The following S1PR3 variants were observed in gnomAD, a reference collection of about 807,000 sequenced individuals.
S1PR3 encodes the protein sphingosine 1-phosphate receptor 3.
In S1PR3, 12 loss-of-function variants were observed where a neutral mutation model predicts 13.3. The observed-to-expected ratio is 0.90, with a 90% CI of 0.58 to 1.46. The LOEUF (loss-of-function observed/expected upper bound fraction) is 1.46. Ranked by LOEUF, S1PR3 falls within the 40% of genes most tolerant of loss-of-function variation. The pLI is 0.00. For missense variants in S1PR3, 450 were observed against 501.9 expected, an observed-to-expected ratio of 0.90 and a Z score of 0.99; for synonymous variants, 232 against 214.0, an observed-to-expected ratio of 1.08 and a Z score of -0.73.
At chr9:88,991,118 A>C (rs1213608875), upstream of S1PR3, 1 of 1,612,820 alleles carries the variant, frequency 6.2e-7, no homozygotes, top group Admixed American at 1.7e-5. This position sits in a 1 kb window ranked among gnomAD's most constrained non-coding sequence, Gnocchi z 4.0. Flanking sequence ...ACCTGGTTCC[A>C]AGCCTGTTCC....
rs1352313221 is a variant in S1PR3, at chr9:88,991,817, G to C, written c.-148+122G>C. On this transcript the variant is annotated intron_variant, in intron 1 of 1. Transcript: ENST00000358157. The surrounding 1 kb of genome is among the most constrained non-coding windows in gnomAD (Gnocchi z 4.0). ...GACGGGGACTTGGGCGCGCCACGGCGGCCGGAGCGCTCCACATCAGCACCC... is the reference window on the plus strand; with the variant it reads ...GACGGGGACTTGGGCGCGCCACGGCCGCCGGAGCGCTCCACATCAGCACCC... The C allele has an allele frequency of 6.2e-7, 1 of 1,609,540 alleles. No individual in the cohort carries two copies. Among genetic ancestry groups the C allele is most frequent in the Non-Finnish European group, 8.5e-7 (1 of 1,177,802 alleles).
In S1PR3 at chr9:89,002,350, G is replaced by A. The variant is rs768278566; in HGVS notation, c.*13G>A. On this transcript the variant is annotated 3_prime_UTR_variant, in exon 2 of 2. Coordinates refer to ENST00000358157, the MANE Select transcript of S1PR3 (RefSeq NM_005226.4). ...CTTCTGCAACTGATCGTCTCCATGC[G>A]CCCTGCTCTGCGGCTGTGTTCTTAT... 15 of 1,611,686 alleles carry A rather than the reference G, an allele frequency of 9.3e-6. No homozygotes were observed. The highest frequency in any genetic ancestry group is 3.3e-5 in the Admixed American group (2 of 59,872).
At position 89,001,094 on chromosome 9, in the gene S1PR3, G is replaced by A. The variant is rs1391722232; in HGVS notation, c.-107G>A. The A allele has an allele frequency of 6.9e-6, 9 of 1,307,108 alleles. No individual in the cohort carries two copies. Among genetic ancestry groups the A allele is most frequent in the Admixed American group, 2.0e-5 (1 of 49,520 alleles). The allele number at this position is 1,307,108 out of a possible 1,614,324, so 81.0% of individuals were successfully genotyped here. A position where few individuals can be genotyped will look rare whatever the true frequency, so the allele number is the denominator to read the frequency against. ...GCCCTCGCTGGAGTCTGGCCTGCAC[G>A]CCTTGCTGAATGAAGCCGGAACCTC... On this transcript the variant is annotated 5_prime_UTR_variant, in exon 2 of 2. Coordinates refer to ENST00000358157, the MANE Select transcript of S1PR3 (RefSeq NM_005226.4).
rs1205194938 is a variant in S1PR3 at position 89,001,593 on chromosome 9, C to T, written c.393C>T (p.Ala131=). The change falls in exon 2 of 2, where the codon GCC becomes GCT. Residue 131 remains alanine, a synonymous_variant. Transcript: ENST00000358157. ...GGGCGTCCACCTGCAGCTTACTGGC[C>T]ATCGCCATCGAGCGGCACTTGACAA... ...ALGASTCSLL[A]IAIERHLTMI... is the part of the protein sequence containing the mutation. 6.2e-7 allele frequency: 1 copy of T among 1,614,114 alleles called. No individual in the cohort carries two copies. The highest frequency in any genetic ancestry group is 8.5e-7 in the Non-Finnish European group (1 of 1,180,056).
intron 1 of S1PR3, chr9:88,998,667 C>G (rs989033650): frequency 2.0e-5 from 3 of 152,166 alleles, no homozygotes; most frequent in South Asian, 4.1e-4. Context: ...TTTAAAGAGA[C>G]AGTTTGCAGT....
chr9:88,999,770 G>A (rs1325634021), intron 1 of S1PR3: 1 of 152,192 alleles, frequency 6.6e-6, no homozygotes, highest in East Asian at 1.9e-4. Flanking sequence ...GGGAGGCTGA[G>A]GCAGGCTGAT....
In S1PR3 at chr9:89,002,700, A is replaced by G; in HGVS notation, c.*363A>G. 1 of 300,928 alleles carries G rather than the reference A, an allele frequency of 3.3e-6. No individual in the cohort carries two copies. The highest frequency in any genetic ancestry group is 7.2e-5 in the East Asian group (1 of 13,912). 18.6% of individuals were successfully genotyped at this position (300,928 alleles called of 1,614,324 possible). A position where few individuals can be genotyped will look rare whatever the true frequency, so the allele number is the denominator to read the frequency against. On this transcript the variant is annotated 3_prime_UTR_variant, in exon 2 of 2. Coordinates refer to ENST00000358157, the MANE Select transcript of S1PR3 (RefSeq NM_005226.4). ...CTGAATGGTGTTTTGATGATTTTAC[A>G]CTACATTTCCTGTGCGTAGAATGGA...
chr9:89,001,164 G>C lies in S1PR3; in HGVS notation c.-37G>C. 14 of 1,600,544 alleles carry C rather than the reference G, an allele frequency of 8.7e-6. No individual in the cohort carries two copies. Among genetic ancestry groups the C allele is most frequent in the Non-Finnish European group, 1.2e-5 (14 of 1,171,880 alleles). ...ATGAATGTTCCTGGGGCGCCCTCTCGTGGATTTTGGAGCTAATCGTCTGTG... is the reference window on the plus strand; with the variant it reads ...ATGAATGTTCCTGGGGCGCCCTCTCCTGGATTTTGGAGCTAATCGTCTGTG... On this transcript the variant is annotated 5_prime_UTR_variant, in exon 2 of 2. Coordinates refer to ENST00000358157, the MANE Select transcript of S1PR3 (RefSeq NM_005226.4).
At chr9:88,992,709 A>G (rs1825737847) in intron 1 of S1PR3, 1 of 152,380 alleles carries the variant, frequency 6.6e-6, no homozygotes, top group Admixed American at 6.5e-5. Flanking sequence ...CTGCAGATAC[A>G]TGACTAACAA....
rs1001638218 is a variant in S1PR3, at chr9:88,992,229, G to T, written c.-148+534G>T. ...CGTTGTGTTCGTAACTGAGATAACA[G>T]CTAGAGAAGGGGCTTTGGGCTTTTT... is the stretch of plus-strand genomic sequence containing the variant. On this transcript the variant is annotated intron_variant, in intron 1 of 1. Coordinates refer to ENST00000358157, the MANE Select transcript of S1PR3 (RefSeq NM_005226.4). 1.0e-5 allele frequency: 6 copies of T among 585,490 alleles called. No homozygotes were observed. In the African/African-American group the frequency reaches 1.1e-4, roughly 11 times the overall value. 36.3% of individuals were successfully genotyped at this position (585,490 alleles called of 1,614,324 possible).
chr9:88,990,988 C>A, upstream of S1PR3: 3 of 1,612,934 alleles, frequency 1.9e-6, no homozygotes, highest in Non-Finnish European at 2.5e-6. Context: ...CGGCCAGTTA[C>A]AAAAGAAATG....
chr9:88,991,196 G>C (rs774721827), upstream of S1PR3: 1 of 1,592,492 alleles, frequency 6.3e-7, no homozygotes, highest in Non-Finnish European at 8.6e-7. The surrounding 1 kb of genome is among the most constrained non-coding windows in gnomAD (Gnocchi z 4.0). Flanking sequence ...TCTGGAGGCC[G>C]GCCTGGGAAC....
At chr9:88,992,106 C>G in intron 1 of S1PR3, 2 of 1,459,668 alleles carry the variant, frequency 1.4e-6, no homozygotes, top group African/African-American at 1.4e-5. Flanking sequence ...TAGTTTTTTC[C>G]TAACATTTCT....
intron 1 of S1PR3, chr9:88,993,348 T>C (rs1293003710): frequency 6.6e-6 from 1 of 152,302 alleles, no homozygotes; most frequent in African/African-American, 2.4e-5. Flanking sequence ...AAAGGAGAAT[T>C]TGAGCATGCC....
chr9:88,995,275 G>A (rs1468181021), intron 1 of S1PR3: 1 of 166,966 alleles, frequency 6.0e-6, no homozygotes, highest in Non-Finnish European at 1.5e-5. Context: ...GAGAGAAAGG[G>A]GGGTGTTGGG....
In S1PR3 at chr9:88,991,488, C is replaced by T; in HGVS notation, c.-355C>T. On this transcript the variant is annotated 5_prime_UTR_variant, in exon 1 of 2. Transcript: ENST00000358157. The surrounding 1 kb of genome is among the most constrained non-coding windows in gnomAD (Gnocchi z 4.0). The stretch of plus-strand genomic sequence containing the variant: ...CGGGCAGAGGCCGAGGAAGCCGGTT[C>T]CGGGGACGGGCAACAGGGACTCAGG... 1 of 1,547,836 alleles carries T rather than the reference C, an allele frequency of 6.5e-7. No homozygotes were observed. The highest frequency in any genetic ancestry group is 1.2e-5 in the South Asian group (1 of 83,982).
At chr9:88,990,950 C>A, upstream of S1PR3, 1 of 1,606,248 alleles carries the variant, frequency 6.2e-7, no homozygotes, top group South Asian at 1.1e-5. Flanking sequence ...CGGCGCCAGG[C>A]GCCCACCTGC....
At chr9:88,990,899 A>C, upstream of S1PR3, 1,064 of 1,328,904 alleles carry the variant, frequency 8.0e-4, no homozygotes, top group Non-Finnish European at 9.7e-4. Flanking sequence ...GCCGGAGGGG[A>C]CCCGCGCGGA....
intron 1 of S1PR3, chr9:88,997,231 C>G (rs983548624): frequency 6.6e-6 from 1 of 152,122 alleles, no homozygotes; most frequent in Non-Finnish European, 1.5e-5. Flanking sequence ...TATGTTTGCC[C>G]TCAAGATTCA....
Sources: allele counts gnomAD v4.1 joint callset, GRCh38; gene constraint gnomAD v4.1.1; non-coding constraint Gnocchi (gnomAD v3.1); transcripts MANE v1.5; gene names NCBI Gene and HGNC (gene_info 2026-07-23, HGNC 2026-07-21).